The following OVOL2 variants were observed in gnomAD, a reference collection of about 807,000 sequenced individuals.
The protein encoded by OVOL2 is transcription factor Ovo-like 2.
Under a neutral mutation model 18.1 loss-of-function variants are expected in OVOL2, and 13 were observed. That is an observed-to-expected ratio of 0.72 (90% CI 0.47 to 1.14). The LOEUF (loss-of-function observed/expected upper bound fraction) is 1.14. OVOL2 is among the 50% of genes most tolerant of loss of function. The pLI is 0.00. For synonymous variants in OVOL2, 166 were observed against 162.7 expected (o/e 1.02, Z -0.16); for missense variants, 335 against 383.0 (o/e 0.87, Z 1.05).
At chr20:18,028,659 G>A (rs1452268460) in intron 3 of OVOL2, among the ~76,000 whole-genome samples, 2 of 152,096 alleles carry the variant, frequency 1.3e-5, no homozygotes, top group South Asian at 4.2e-4. Context: ...CTGGTGTGGT[G>A]GCCCACATCT....
Position 18,056,901 on chromosome 20 carries a change from C to A in OVOL2, c.101-24G>T. ...CACTGTGGAGGGAGGGGCCGCGCCCCGACACACACACTCGGCGTCAACCCG... is the reference window on the plus strand; with the variant it reads ...CACTGTGGAGGGAGGGGCCGCGCCCAGACACACACACTCGGCGTCAACCCG... On this transcript the variant is annotated intron_variant, in intron 1 of 3. Transcript: ENST00000278780. This position sits in a 1 kb window ranked among gnomAD's most constrained non-coding sequence, Gnocchi z 4.2. The A allele has an allele frequency of 6.8e-7, 1 of 1,475,042 alleles. No individual in the cohort carries two copies. 91.4% of individuals were successfully genotyped at this position (1,475,042 alleles called of 1,614,324 possible). A position where few individuals can be genotyped will look rare whatever the true frequency, so the allele number is the denominator to read the frequency against.
chr20:18,057,823 C>T lies in OVOL2; in HGVS notation c.-189G>A. ...CCGCACGCCTGGCGACTCCCAGCCT[C>T]CCGGCTCGGCGACACCTATGCCTTA... On this transcript the variant is annotated 5_prime_UTR_variant, in exon 1 of 4. Coordinates refer to ENST00000278780, the MANE Select transcript of OVOL2 (RefSeq NM_021220.4). This position sits in a 1 kb window ranked among gnomAD's most constrained non-coding sequence, Gnocchi z 6.3. 6 of 1,365,442 alleles carry T rather than the reference C, an allele frequency of 4.4e-6. No individual in the cohort carries two copies. In the South Asian group the frequency reaches 1.0e-4, roughly 24 times the overall value. 84.6% of individuals were successfully genotyped at this position (1,365,442 alleles called of 1,614,324 possible). A position where few individuals can be genotyped will look rare whatever the true frequency, so the allele number is the denominator to read the frequency against.
upstream of OVOL2, chr20:18,058,936 A>C (rs949220993): frequency 6.6e-6 from 1 of 152,208 alleles, no homozygotes; most frequent in Non-Finnish European, 1.5e-5. Flanking sequence ...GGGTGCGCCC[A>C]GGACAACCGG....
Position 18,056,619 on chromosome 20 carries a change from TG to T in OVOL2, c.321+37del. Reference sequence around the variant, plus strand: ...GCCTCGGGAGCCCGACGCCAGGGCGTGGTGCAGGTGGCGGCGGGGGCAGAGT... The same window carrying T: ...GCCTCGGGAGCCCGACGCCAGGGCGTGTGCAGGTGGCGGCGGGGGCAGAGT... On this transcript the variant is annotated intron_variant, in intron 2 of 3. Coordinates refer to ENST00000278780, the MANE Select transcript of OVOL2 (RefSeq NM_021220.4). The surrounding 1 kb of genome is among the most constrained non-coding windows in gnomAD (Gnocchi z 4.2). 7.4e-7 allele frequency: 1 copy of T among 1,348,108 alleles called. No individual in the cohort carries two copies. The allele number at this position is 1,348,108 out of a possible 1,614,324, so 83.5% of individuals were successfully genotyped here.
rs201154820 is a variant in OVOL2 at position 18,024,676 on chromosome 20, T to A, written c.788A>T (p.Gln263Leu). 13 of 1,613,712 alleles carry A rather than the reference T, an allele frequency of 8.1e-6. No individual in the cohort carries two copies. In the East Asian group the frequency reaches 2.9e-4, roughly 36 times the overall value. The change falls in exon 4 of 4, where the codon CAG becomes CTG. Residue 263 changes from glutamine (Q) to leucine (L), a missense_variant. Transcript: ENST00000278780. ...CTCCTCACTCAGGCTGGTATTCTCC[T>A]GGTGTGCGGATGTCAGCTTGCCCTG... ...LLQGKLTSAHQENTSLSEEEE... is the reference protein window; with the variant it reads ...LLQGKLTSAHLENTSLSEEEE...
intron 2 of OVOL2, among the ~76,000 whole-genome samples, chr20:18,044,738 A>G (rs1468777325): frequency 5.9e-5 from 9 of 152,180 alleles, no homozygotes. Context: ...CACCTACCCC[A>G]GACCTACAGC....
intron 2 of OVOL2, among the ~76,000 whole-genome samples, chr20:18,054,766 C>CAAAAAA (rs745367889): frequency 1.2e-3 from 79 of 63,274 alleles, no homozygotes; most frequent in East Asian, 7.4e-3. Context: ...AACTCCATCT[C>CAAAAAA]AAAAAAAAAA....
At chr20:18,031,278 A>G (rs532642855) in intron 3 of OVOL2, among the ~76,000 whole-genome samples, 70 of 152,306 alleles carry the variant, frequency 4.6e-4, no homozygotes, top group Non-Finnish European at 7.4e-4. Flanking sequence ...TAGCTCTTGC[A>G]TGGCTGCTGT....
intron 3 of OVOL2, among the ~76,000 whole-genome samples, chr20:18,034,979 T>C (rs1165942329): frequency 6.6e-6 from 1 of 152,142 alleles, no homozygotes; most frequent in Non-Finnish European, 1.5e-5. Flanking sequence ...CGGCCCTGGG[T>C]CCTGGGTCCT....
At chr20:18,046,438 AC>A (rs2036724576) in intron 2 of OVOL2, among the ~76,000 whole-genome samples, 1 of 152,022 alleles carries the variant, frequency 6.6e-6, no homozygotes, top group South Asian at 2.1e-4. Context: ...TCCCAGTCAA[AC>A]CCCCAGAAGA....
intron 3 of OVOL2, among the ~76,000 whole-genome samples, chr20:18,034,867 A>G (rs1245092339): frequency 6.6e-6 from 1 of 151,952 alleles, no homozygotes; most frequent in Non-Finnish European, 1.5e-5. Context: ...ATTGGAAGAG[A>G]TGGGGGAGTC....
chr20:18,032,382 A>AAGGAAGGAAGGG (rs988417021), intron 3 of OVOL2, among the ~76,000 whole-genome samples: 1 of 115,226 alleles, frequency 8.7e-6, no homozygotes, highest in Non-Finnish European at 1.9e-5. Flanking sequence ...GGGAAGGAGG[A>AAGGAAGGAAGGG]AGGAAGGAAG....
intron 2 of OVOL2, among the ~76,000 whole-genome samples, chr20:18,046,969 C>T (rs1291233735): frequency 6.6e-6 from 1 of 151,546 alleles, no homozygotes; most frequent in African/African-American, 2.4e-5. Flanking sequence ...CTAGATCTGG[C>T]TAGGGGTGTG....
At chr20:18,031,963 T>C (rs936791180) in intron 3 of OVOL2, among the ~76,000 whole-genome samples, 1 of 152,184 alleles carries the variant, frequency 6.6e-6, no homozygotes, top group Non-Finnish European at 1.5e-5. Flanking sequence ...TTTACTGAAC[T>C]TTATCCGAAG....
At chr20:18,049,504 C>T (rs1345025379) in intron 2 of OVOL2, among the ~76,000 whole-genome samples, 3 of 152,142 alleles carry the variant, frequency 2.0e-5, no homozygotes, top group East Asian at 1.9e-4. Flanking sequence ...TGCTTGAATG[C>T]TAAAAGCATG....
intron 3 of OVOL2, among the ~76,000 whole-genome samples, chr20:18,033,742 A>G (rs2036591085): frequency 6.6e-6 from 1 of 152,050 alleles, no homozygotes; most frequent in Non-Finnish European, 1.5e-5. Context: ...GGGTGTGGAC[A>G]CTCAGTGCAG....
intron 3 of OVOL2, among the ~76,000 whole-genome samples, chr20:18,036,722 T>G (rs530480604): frequency 6.6e-6 from 1 of 152,118 alleles, no homozygotes; most frequent in African/African-American, 2.4e-5. Flanking sequence ...ACCACTGAAC[T>G]CACACGCTCA....
rs1455389679 is a variant in OVOL2, at chr20:18,041,546, G to A, written c.499C>T (p.Arg167Cys). ...NDTFDLKRHV[R>C]THTGIRPYKC... The stretch of plus-strand genomic sequence containing the variant: ...ACTCCCCGCTCACCTGTGTGTGTGC[G>A]GACGTGCCTCTTCAGGTCGAAGGTG... Residue 167 changes from arginine to cysteine, a missense_variant, in exon 3 of 4, where the codon CGC becomes TGC. Physicochemically the swap from Arg to Cys is radical, Grantham distance 180. Coordinates refer to ENST00000278780, the MANE Select transcript of OVOL2 (RefSeq NM_021220.4). 9 of 1,612,556 alleles carry A rather than the reference G, an allele frequency of 5.6e-6. No homozygotes were observed. Among genetic ancestry groups the A allele is most frequent in the Non-Finnish European group, 7.6e-6 (9 of 1,178,834 alleles).
At chr20:18,055,036 G>A (rs1277819132) in intron 2 of OVOL2, among the ~76,000 whole-genome samples, 1 of 152,056 alleles carries the variant, frequency 6.6e-6, no homozygotes, top group Non-Finnish European at 1.5e-5. Flanking sequence ...AATTCCCCTG[G>A]AAACTATGGA....
Sources: allele counts gnomAD v4.1 joint callset (sites outside exome capture counted in the v4.1 genomes callset), GRCh38; gene constraint gnomAD v4.1.1; non-coding constraint Gnocchi (gnomAD v3.1); transcripts MANE v1.5; gene names NCBI Gene and HGNC (gene_info 2026-07-23, HGNC 2026-07-21).